TCF7L2: variants seen among roughly 807,000 people sequenced by gnomAD.
TCF7L2 encodes transcription factor 7-like 2.
Under a neutral mutation model 77.9 loss-of-function variants are expected in TCF7L2, and 23 were observed. That is an observed-to-expected ratio of 0.30 (90% CI 0.21 to 0.42). TCF7L2 has a LOEUF of 0.42. Among genes scored for constraint, TCF7L2 ranks in the 10% least tolerant of loss-of-function variants. TCF7L2 has a pLI of 1.00. For synonymous variants in TCF7L2, 413 were observed against 340.2 expected (o/e 1.21, Z -2.36); for missense variants, 654 against 793.1 (o/e 0.82, Z 2.11).
intron 5 of TCF7L2, among the ~76,000 whole-genome samples, chr10:113,044,357 A>G (rs1270238043): frequency 6.6e-6 from 1 of 152,240 alleles, no homozygotes; most frequent in Non-Finnish European, 1.5e-5. Context: ...GTTTCTGAAG[A>G]GTTCAGGGGA....
chr10:113,096,228 C>A (rs2060957947), intron 5 of TCF7L2, among the ~76,000 whole-genome samples: 1 of 152,140 alleles, frequency 6.6e-6, no homozygotes, highest in African/African-American at 2.4e-5. Context: ...TGTTGACGTA[C>A]CTGTTTCTCA....
chr10:113,046,905 T>A (rs1355330994), intron 5 of TCF7L2, among the ~76,000 whole-genome samples: 2 of 152,230 alleles, frequency 1.3e-5, no homozygotes, highest in Admixed American at 6.5e-5. Flanking sequence ...TTAACATACT[T>A]GAGCTCATAG....
intron 5 of TCF7L2, among the ~76,000 whole-genome samples, chr10:113,063,612 C>T (rs924846528): frequency 6.6e-6 from 1 of 152,028 alleles, no homozygotes; most frequent in Non-Finnish European, 1.5e-5. Context: ...CCGGATGGGA[C>T]ATTAATCTGA....
chr10:113,128,291 A>G (rs531780111), intron 5 of TCF7L2, among the ~76,000 whole-genome samples: 24 of 152,242 alleles, frequency 1.6e-4, no homozygotes, highest in African/African-American at 5.8e-4. Flanking sequence ...AAAAAAGAAG[A>G]AAAGAAGAAA....
intron 1 of TCF7L2, 93 bp from the exon 2 acceptor site, chr10:112,951,114 C>T (rs969835874): frequency 3.1e-6 from 4 of 1,276,508 alleles, no homozygotes; most frequent in East Asian, 2.8e-5. Context: ...TTTTCTACCC[C>T]CCCCTCGACC....
chr10:113,126,836 C>T (rs1455821121), intron 5 of TCF7L2: 1 of 987,010 alleles, frequency 1.0e-6, no homozygotes, highest in Non-Finnish European at 1.2e-6. Flanking sequence ...GCAGCATGCC[C>T]GCGAGCCGGC....
At chr10:112,965,320 G>A (rs61875108) in intron 4 of TCF7L2, among the ~76,000 whole-genome samples, 7,434 of 152,196 alleles carry the variant, frequency 0.049, 179 homozygotes, top group Middle Eastern at 0.061. Flanking sequence ...ATATAGACTC[G>A]GAGCTGAACT....
chr10:113,012,570 A>G (rs1024919302), intron 4 of TCF7L2, among the ~76,000 whole-genome samples: 4 of 152,150 alleles, frequency 2.6e-5, no homozygotes, highest in African/African-American at 9.7e-5. Context: ...ATTACAGGTA[A>G]TTTGATCAGA....
intron 5 of TCF7L2, among the ~76,000 whole-genome samples, chr10:113,117,699 T>C (rs1335153339): frequency 6.6e-6 from 1 of 152,186 alleles, no homozygotes; most frequent in Non-Finnish European, 1.5e-5. Context: ...CTAATAGATA[T>C]CTCTGCCCTC....
chr10:113,033,259 A>G (rs1193770756), intron 4 of TCF7L2, among the ~76,000 whole-genome samples: 2 of 107,100 alleles, frequency 1.9e-5, no homozygotes, highest in Non-Finnish European at 3.7e-5. Flanking sequence ...TTTCTTTTCT[A>G]TTCTTCCTTT....
chr10:112,978,366 T>C (rs925878379), intron 4 of TCF7L2, among the ~76,000 whole-genome samples: 8 of 152,170 alleles, frequency 5.3e-5, no homozygotes, highest in African/African-American at 1.7e-4. Context: ...CAGAGCTAGA[T>C]ATTGGTGTTT....
chr10:113,073,597 C>T (rs543412407), intron 5 of TCF7L2, among the ~76,000 whole-genome samples: 3 of 146,270 alleles, frequency 2.1e-5, no homozygotes, highest in South Asian at 2.2e-4. Context: ...GAGGCTGAGG[C>T]GGGAGGATCG....
intron 4 of TCF7L2, among the ~76,000 whole-genome samples, chr10:112,991,625 G>A (rs2042567871): frequency 6.6e-6 from 1 of 152,182 alleles, no homozygotes. Flanking sequence ...CTGCTACAGG[G>A]ACAGCCAGCT....
At chr10:112,979,265 T>C (rs564230586) in intron 4 of TCF7L2, among the ~76,000 whole-genome samples, 2 of 151,414 alleles carry the variant, frequency 1.3e-5, no homozygotes, top group Non-Finnish European at 2.9e-5. Context: ...AATCTAATGA[T>C]TGGAAGTGCT....
At chr10:113,110,795 A>G (rs1341308706) in intron 5 of TCF7L2, among the ~76,000 whole-genome samples, 1 of 152,218 alleles carries the variant, frequency 6.6e-6, no homozygotes, top group African/African-American at 2.4e-5. Flanking sequence ...CCAAATTAAT[A>G]TTAATTGGTA....
intron 5 of TCF7L2, among the ~76,000 whole-genome samples, chr10:113,070,254 T>TAA (rs147219113): frequency 1.7e-5 from 2 of 118,348 alleles, no homozygotes; most frequent in African/African-American, 6.9e-5. Context: ...GACTCCGTCT[T>TAA]AAAAAAAAAA....
At chr10:113,019,861 C>T (rs545288070) in intron 4 of TCF7L2, among the ~76,000 whole-genome samples, 1 of 151,856 alleles carries the variant, frequency 6.6e-6, no homozygotes, top group South Asian at 2.1e-4. Flanking sequence ...GAAAAGTAAA[C>T]CATCGCCTTG....
chr10:113,126,860 G>C lies in TCF7L2; in HGVS notation c.553-14324G>C, dbSNP rs1230394307. On this transcript the variant is annotated intron_variant, in intron 5 of 13. Transcript: ENST00000627217. Reference sequence around the variant, plus strand: ...CCGCGAGCCGGCAGCGGGAAGGACAGCGCCGCAACCCTCTCTAGATGGTAA... The same window carrying C: ...CCGCGAGCCGGCAGCGGGAAGGACACCGCCGCAACCCTCTCTAGATGGTAA... The C allele has an allele frequency of 2.4e-5, 24 of 987,276 alleles. 1 individual carries two copies. In the Admixed American group the frequency reaches 8.0e-4, roughly 33 times the overall value. 61.2% of individuals were successfully genotyped at this position (987,276 alleles called of 1,614,324 possible).
intron 4 of TCF7L2, among the ~76,000 whole-genome samples, chr10:113,005,427 T>C (rs1410135229): frequency 6.6e-6 from 1 of 152,178 alleles, no homozygotes; most frequent in Non-Finnish European, 1.5e-5. Context: ...GAGCATGACC[T>C]GGCTGAATTC....
Sources: allele counts gnomAD v4.1 joint callset (sites outside exome capture counted in the v4.1 genomes callset), GRCh38; gene constraint gnomAD v4.1.1; transcripts MANE v1.5; gene names NCBI Gene and HGNC (gene_info 2026-07-23, HGNC 2026-07-21).